Variants in ADAM12 observed in about 807,000 individuals in gnomAD.
ADAM12 encodes the protein ADAM metallopeptidase domain 12, also known as disintegrin and metalloproteinase domain-containing protein 12.
A neutral mutation model predicts 106.4 loss-of-function variants in ADAM12; 70 were observed. The observed-to-expected ratio is 0.66, with a 90% CI of 0.54 to 0.80. ADAM12 has a LOEUF of 0.80. ADAM12 is among the 30% of genes least tolerant of loss of function. The pLI is 0.00. For missense variants in ADAM12, 1,010 were observed against 1,171.9 expected (o/e 0.86, Z 2.02); for synonymous variants, 420 against 433.5 (o/e 0.97, Z 0.39).
chr10:126,349,146 G>A (rs567747690), intron 1 of ADAM12, among the ~76,000 whole-genome samples: 2 of 152,288 alleles, frequency 1.3e-5, no homozygotes, highest in East Asian at 3.9e-4. Context: ...ATAACCTAGT[G>A]ACATATTTGA....
At chr10:126,368,023 G>C (rs1215685972) in intron 1 of ADAM12, among the ~76,000 whole-genome samples, 1 of 151,580 alleles carries the variant, frequency 6.6e-6, no homozygotes, top group Non-Finnish European at 1.5e-5. Context: ...TAAAATATTA[G>C]GTAATAAACC....
chr10:126,206,914 T>C (rs1305292641), intron 3 of ADAM12, among the ~76,000 whole-genome samples: 1 of 151,582 alleles, frequency 6.6e-6, no homozygotes, highest in African/African-American at 2.4e-5. Flanking sequence ...TTTCCCTTTC[T>C]GTTCTCCTGA....
intron 6 of ADAM12, among the ~76,000 whole-genome samples, chr10:126,113,731 T>TATAAAA (rs1176475501): frequency 1.2e-4 from 3 of 25,960 alleles, no homozygotes; most frequent in East Asian, 1.0e-3. Context: ...TATATATATA[T>TATAAAA]AATATATTGC....
At chr10:126,334,450 AAC>A (rs1177524438) in intron 1 of ADAM12, among the ~76,000 whole-genome samples, 2 of 152,096 alleles carry the variant, frequency 1.3e-5, no homozygotes, top group Non-Finnish European at 2.9e-5. Flanking sequence ...AGAGTGGAAA[AAC>A]ACATATTAGA....
In ADAM12 at chr10:126,342,369, A is replaced by G. The variant is rs534349772; in HGVS notation, c.89-11860T>C. On this transcript the variant is annotated intron_variant, in intron 1 of 22. Coordinates refer to ENST00000448723, the MANE Select transcript of ADAM12 (RefSeq NM_001288973.2). ...CATAATTTAAATAGTCAAACAGGAT[A>G]AACAAAACTATTACAACTTAGAATT... Among the ~76,000 whole-genome samples, 16 of 152,370 alleles carry G rather than the reference A, an allele frequency of 1.1e-4. 1 individual carries two copies. The South Asian group carries it at 3.3e-3, about 32-fold the overall frequency.
chr10:126,122,879 C>G (rs1009166332), intron 5 of ADAM12, among the ~76,000 whole-genome samples: 2 of 152,210 alleles, frequency 1.3e-5, no homozygotes, highest in Non-Finnish European at 2.9e-5. Flanking sequence ...TATTTTACAT[C>G]GGATCTAAAT....
At chr10:126,350,294 C>A (rs1472534639) in intron 1 of ADAM12, among the ~76,000 whole-genome samples, 4 of 152,166 alleles carry the variant, frequency 2.6e-5, no homozygotes, top group Non-Finnish European at 5.9e-5. Flanking sequence ...TGGAATCAAG[C>A]AATTTGTGTT....
chr10:126,038,948 A>ATTTCTTTTT (rs1954106803), intron 19 of ADAM12, among the ~76,000 whole-genome samples: 1 of 100,580 alleles, frequency 9.9e-6, no homozygotes, highest in Admixed American at 1.0e-4. Flanking sequence ...CTGAGACACC[A>ATTTCTTTTT]TTTCTTTTTT....
chr10:126,084,331 G>A (rs1338996034), intron 11 of ADAM12, among the ~76,000 whole-genome samples: 3 of 152,158 alleles, frequency 2.0e-5, no homozygotes, highest in African/African-American at 7.2e-5. Flanking sequence ...GGGGGACACA[G>A]TGTCCATATT....
intron 16 of ADAM12, 43 bp from the exon 17 acceptor site, chr10:126,046,175 C>T (rs932358921): frequency 1.4e-5 from 22 of 1,566,100 alleles, no homozygotes; most frequent in Non-Finnish European, 1.9e-5. Context: ...AGTATTTCTC[C>T]AACCCCTCCA....
At chr10:126,322,431 G>C (rs1854133087) in intron 2 of ADAM12, among the ~76,000 whole-genome samples, 1 of 152,152 alleles carries the variant, frequency 6.6e-6, no homozygotes, top group Admixed American at 6.5e-5. Context: ...TACACCCCAG[G>C]GGCCACGTGG....
intron 2 of ADAM12, among the ~76,000 whole-genome samples, chr10:126,326,211 T>C (rs1336710172): frequency 6.6e-6 from 1 of 152,126 alleles, no homozygotes; most frequent in Non-Finnish European, 1.5e-5. Flanking sequence ...AGTATTTTTT[T>C]TTTTTTTAAG....
At chr10:126,051,471 ATCCGTCCAGCCAGCCACCCG>A (rs1954482956) in intron 14 of ADAM12, among the ~76,000 whole-genome samples, 1 of 149,266 alleles carries the variant, frequency 6.7e-6, no homozygotes, top group Non-Finnish European at 1.5e-5. Context: ...CCGTCCATCC[ATCCGTCCAGCCAGCCACCCG>A]TCCATCCACC....
chr10:126,113,710 ATATATATATATATATATATAT>A lies in ADAM12; in HGVS notation c.604-3891_604-3871del, dbSNP rs1374230231. ...AAAATATATATATATATATATATATATATATATATATATATATATATAATATATTGCTCTGGCTACTGGAAG... is the reference window on the plus strand; with the variant it reads ...AAAATATATATATATATATATATATAAATATATTGCTCTGGCTACTGGAAG... On this transcript the variant is annotated intron_variant, in intron 6 of 22. Transcript: ENST00000448723. Among the ~76,000 whole-genome samples the A allele has an allele frequency of 8.3e-3, 769 of 93,206 alleles. 25 individuals carry two copies. The highest frequency in any genetic ancestry group is 0.035 in the Middle Eastern group (7 of 202). The allele number at this position is 93,206 out of a possible 152,430, so 61.1% of individuals were successfully genotyped here.
At chr10:126,210,466 A>G (rs1957879767) in intron 3 of ADAM12, among the ~76,000 whole-genome samples, 1 of 152,194 alleles carries the variant, frequency 6.6e-6, no homozygotes, top group African/African-American at 2.4e-5. Context: ...ACCACACAGC[A>G]TGTCAGATGC....
intron 11 of ADAM12, among the ~76,000 whole-genome samples, chr10:126,089,198 T>G (rs1376677965): frequency 6.6e-6 from 1 of 152,078 alleles, no homozygotes; most frequent in East Asian, 1.9e-4. Flanking sequence ...CAGATACACA[T>G]GAAGAAAATG....
chr10:126,195,535 T>A (rs146006812), intron 3 of ADAM12, among the ~76,000 whole-genome samples: 1 of 151,970 alleles, frequency 6.6e-6, no homozygotes, highest in Non-Finnish European at 1.5e-5. Context: ...AATCGCACCA[T>A]TGCACTCCAG....
Position 126,094,072 on chromosome 10 carries a change from A to G in ADAM12, c.1058T>C (p.Phe353Ser), listed in dbSNP as rs747331612. 1 of 1,614,112 alleles carries G rather than the reference A, an allele frequency of 6.2e-7. No individual in the cohort carries two copies. The highest frequency in any genetic ancestry group is 1.1e-5 in the South Asian group (1 of 91,068). The change falls in exon 11 of 23, where the codon TTC becomes TCC. Residue 353 changes from phenylalanine (F) to serine (S), a missense_variant. Phe to Ser is a radical substitution (Grantham distance 155). Around this residue, in one of 3 missense-constraint regions of ADAM12, gnomAD observed 4 missense variants for 20.5 expected, o/e 0.19. Transcript: ENST00000448723. ...VTLAHELGHNFGMNHDTLDRG... is the reference protein window; with the variant it reads ...VTLAHELGHNSGMNHDTLDRG... ...GTCCAGTGTGTCATGATTCATCCCG[A>G]AATTGTGGCCCAGCTCATGTGCCAG...
At chr10:126,137,212 T>C (rs1956420828) in intron 4 of ADAM12, among the ~76,000 whole-genome samples, 1 of 152,178 alleles carries the variant, frequency 6.6e-6, no homozygotes, top group South Asian at 2.1e-4. Flanking sequence ...TACCTTGGCA[T>C]ATATCAAAGG....
Sources: gnomAD v4.1 joint callset for allele counts (sites outside exome capture counted in the v4.1 genomes callset) on GRCh38, gnomAD v4.1.1 for gene constraint, gnomAD v4.1.1 regional missense constraint, MANE v1.5 for transcripts, NCBI Gene and HGNC (gene_info 2026-07-23, HGNC 2026-07-21) for gene names.